Variants in CHD5 observed in about 807,000 individuals in gnomAD.
CHD5 encodes chromodomain helicase DNA binding protein 5.
A neutral mutation model predicts 230.3 loss-of-function variants in CHD5; 69 were observed. The observed-to-expected ratio is 0.30, with a 90% CI of 0.25 to 0.37. CHD5 has a LOEUF of 0.37. Among genes scored for constraint, CHD5 ranks in the 10% least tolerant of loss-of-function variants. The pLI, the probability that CHD5 is intolerant of heterozygous loss-of-function variation, is 1.00. For missense variants in CHD5, 1,827 were observed against 2,622.8 expected, an observed-to-expected ratio of 0.70 and a Z score of 6.63; for synonymous variants, 1,064 against 1,065.9, an observed-to-expected ratio of 1.00 and a Z score of 0.03.
Position 6,154,702 on chromosome 1 carries a change from G to A in CHD5, c.703C>T (p.Gln235Ter). ...TTGGCCTTGCGGATAGGCACAGGCT[G>A]GGGCACCTGCGGGGGGCTGACGGCT... ...PLAVSPPQVP[Q>*]PVPIRKAKTK... The change falls in exon 5 of 42, where the codon CAG (glutamine) becomes TAG (stop). Residue 235 changes from glutamine (Q) to a stop codon, truncating the protein, a stop_gained. Coordinates refer to ENST00000262450, the MANE Select transcript of CHD5 (RefSeq NM_015557.3). LOFTEE classifies it high-confidence loss of function. The surrounding 1 kb of genome is among the most constrained non-coding windows in gnomAD (Gnocchi z 7.0). 1 of 1,601,050 alleles carries A rather than the reference G, an allele frequency of 6.2e-7. No individual in the cohort carries two copies. Among genetic ancestry groups the A allele is most frequent in the Non-Finnish European group, 8.5e-7 (1 of 1,172,640 alleles).
chr1:6,148,326 G>A (rs893416385), intron 9 of CHD5, among the ~76,000 whole-genome samples: 6 of 152,200 alleles, frequency 3.9e-5, no homozygotes, highest in African/African-American at 1.4e-4. Context: ...GGAGCCTCCT[G>A]CCCTAGAAGC....
rs375859800 is a variant in CHD5 at position 6,121,251 on chromosome 1, G to A, written c.4780-14C>T. 3.7e-6 allele frequency: 6 copies of A among 1,603,866 alleles called. No homozygotes were observed. The highest frequency in any genetic ancestry group is 5.1e-6 in the Non-Finnish European group (6 of 1,176,622). On this transcript the variant is annotated splice_polypyrimidine_tract_variant and intron_variant, in intron 32 of 41. Coordinates refer to ENST00000262450, the MANE Select transcript of CHD5 (RefSeq NM_015557.3). This position sits in a 1 kb window ranked among gnomAD's most constrained non-coding sequence, Gnocchi z 4.5. ...GGCTGGAAGGGCCTGCAGAGGAAAA[G>A]CCAGGAGAACTACAAGGCCTGGGGC...
chr1:6,111,491 G>C (rs1666287496), intron 36 of CHD5, among the ~76,000 whole-genome samples: 1 of 150,566 alleles, frequency 6.6e-6, no homozygotes, highest in African/African-American at 2.5e-5. Context: ...CCGAGATCAA[G>C]CTGCTACACT....
intron 1 of CHD5, among the ~76,000 whole-genome samples, chr1:6,179,267 G>A (rs1034911162): frequency 1.3e-5 from 2 of 152,240 alleles, no homozygotes; most frequent in Admixed American, 1.3e-4. Context: ...GGAGACAGCG[G>A]CGGGCGCTAG....
At chr1:6,152,031 C>T (rs1328669130) in intron 6 of CHD5, among the ~76,000 whole-genome samples, 2 of 152,116 alleles carry the variant, frequency 1.3e-5, no homozygotes, top group African/African-American at 4.8e-5. Context: ...CTACTCCCCC[C>T]GAGAGCAGAC....
rs56933510 is a variant in CHD5, at chr1:6,159,227, TCACACACACACACACA to T, written c.387+93_387+108del. 6 of 1,402,324 alleles carry T rather than the reference TCACACACACACACACA, an allele frequency of 4.3e-6. No homozygotes were observed. In the African/African-American group the frequency reaches 5.9e-5, roughly 14 times the overall value. The allele number at this position is 1,402,324 out of a possible 1,614,324, so 86.9% of individuals were successfully genotyped here. A position where few individuals can be genotyped will look rare whatever the true frequency, so the allele number is the denominator to read the frequency against. ...AGCCTGGCAACAGAGTGAGACTCCA[TCACACACACACACACA>T]CACACACACACACACAGAACATACA... On this transcript the variant is annotated intron_variant, in intron 3 of 41. Transcript: ENST00000262450.
Position 6,134,518 on chromosome 1 carries a change from A to T in CHD5, c.3012+200T>A, listed in dbSNP as rs575483016. Among the ~76,000 whole-genome samples the T allele has an allele frequency of 2.0e-5, 3 of 152,278 alleles. No homozygotes were observed. The South Asian group carries it at 6.2e-4, about 32-fold the overall frequency. ...CAGCCCTACCACAGCAGCGGGTTCC[A>T]CGGTAAGTTCCCCAGCACCTACCAG... On this transcript the variant is annotated intron_variant, in intron 19 of 41. Coordinates refer to ENST00000262450, the MANE Select transcript of CHD5 (RefSeq NM_015557.3). The surrounding 1 kb of genome is among the most constrained non-coding windows in gnomAD (Gnocchi z 6.3).
In CHD5 at chr1:6,128,667, G is replaced by C. The variant is rs987179575; in HGVS notation, c.3620-58C>G. On this transcript the variant is annotated intron_variant, in intron 23 of 41. Coordinates refer to ENST00000262450, the MANE Select transcript of CHD5 (RefSeq NM_015557.3). The surrounding 1 kb of genome is among the most constrained non-coding windows in gnomAD (Gnocchi z 7.8). ...GACCACAGAGGGCTGCAGGGTTGGCGGGCAGTGCCCAGAGACACCACCCTG... is the reference window on the plus strand; with the variant it reads ...GACCACAGAGGGCTGCAGGGTTGGCCGGCAGTGCCCAGAGACACCACCCTG... 6.9e-7 allele frequency: 1 copy of C among 1,459,642 alleles called. No individual in the cohort carries two copies. Among genetic ancestry groups the C allele is most frequent in the South Asian group, 1.1e-5 (1 of 87,102 alleles). 90.4% of individuals were successfully genotyped at this position (1,459,642 alleles called of 1,614,324 possible).
chr1:6,166,711 G>C (rs201113166), intron 2 of CHD5, among the ~76,000 whole-genome samples: 2 of 97,758 alleles, frequency 2.0e-5, no homozygotes, highest in Non-Finnish European at 3.5e-5. Flanking sequence ...ACAAGCCGGG[G>C]AAGTGGAAAT....
intron 11 of CHD5, among the ~76,000 whole-genome samples, chr1:6,145,072 A>G (rs1202443466): frequency 6.6e-6 from 1 of 152,156 alleles, no homozygotes; most frequent in African/African-American, 2.4e-5. Context: ...TCCCACAGGA[A>G]CTGACCCTTG....
chr1:6,162,589 G>A (rs953974922), intron 2 of CHD5, among the ~76,000 whole-genome samples: 2 of 152,072 alleles, frequency 1.3e-5, no homozygotes, highest in African/African-American at 4.8e-5. Flanking sequence ...CAGTCAGAAT[G>A]ACCCTTTCCC....
At chr1:6,165,860 TC>T (rs1667244939) in intron 2 of CHD5, among the ~76,000 whole-genome samples, 1 of 151,348 alleles carries the variant, frequency 6.6e-6, no homozygotes, top group Admixed American at 6.6e-5. Flanking sequence ...TATCTCCACT[TC>T]CCCATCAAAT....
Position 6,134,663 on chromosome 1 carries a change from A to C in CHD5, c.3012+55T>G. ...CACAGGGACCTACCATGGCGGCCAC[A>C]GGCACCTACCATGGCGGTCATGGAG... On this transcript the variant is annotated intron_variant, in intron 19 of 41. Coordinates refer to ENST00000262450, the MANE Select transcript of CHD5 (RefSeq NM_015557.3). This position sits in a 1 kb window ranked among gnomAD's most constrained non-coding sequence, Gnocchi z 6.3. 1 of 1,550,634 alleles carries C rather than the reference A, an allele frequency of 6.4e-7. No homozygotes were observed. Among genetic ancestry groups the C allele is most frequent in the South Asian group, 1.1e-5 (1 of 87,960 alleles).
In CHD5 at chr1:6,144,164, C is replaced by T. The variant is rs375770301; in HGVS notation, c.1803-9G>A. The T allele has an allele frequency of 4.3e-5, 69 of 1,614,034 alleles. No homozygotes were observed. Among genetic ancestry groups the T allele is most frequent in the South Asian group, 1.8e-4 (16 of 91,080 alleles). Reference sequence around the variant, plus strand: ...CCCCCTTCTTGTCAAAGCTGCAACACGGTGAACAGATGTGGGTCGCTCAGA... The same window carrying T: ...CCCCCTTCTTGTCAAAGCTGCAACATGGTGAACAGATGTGGGTCGCTCAGA... On this transcript the variant is annotated splice_polypyrimidine_tract_variant and intron_variant, in intron 11 of 41. Coordinates refer to ENST00000262450, the MANE Select transcript of CHD5 (RefSeq NM_015557.3).
At chr1:6,179,003 A>AG (rs1276156505) in intron 1 of CHD5, among the ~76,000 whole-genome samples, 1 of 152,202 alleles carries the variant, frequency 6.6e-6, no homozygotes, top group African/African-American at 2.4e-5. Context: ...CCCAGAAAGG[A>AG]GGGAGGGTGG....
intron 38 of CHD5, among the ~76,000 whole-genome samples, chr1:6,108,462 G>C (rs1234273049): frequency 6.7e-6 from 1 of 148,888 alleles, no homozygotes; most frequent in African/African-American, 2.5e-5. Flanking sequence ...GGATGGGGGT[G>C]GAAGGATGGA....
At chr1:6,124,872 C>T (rs986223160) in intron 29 of CHD5, among the ~76,000 whole-genome samples, 1 of 152,216 alleles carries the variant, frequency 6.6e-6, no homozygotes, top group African/African-American at 2.4e-5. Context: ...GGATCTTCCT[C>T]GCTGCCATAA....
intron 1 of CHD5, among the ~76,000 whole-genome samples, chr1:6,177,914 G>A (rs111854310): frequency 2.6e-4 from 40 of 152,324 alleles, no homozygotes; most frequent in South Asian, 1.2e-3. Context: ...GGAGCCATGC[G>A]GGTCGGGATC....
Position 6,129,129 on chromosome 1 carries a change from A to T in CHD5, c.3388-60T>A. On this transcript the variant is annotated intron_variant, in intron 22 of 41. Coordinates refer to ENST00000262450, the MANE Select transcript of CHD5 (RefSeq NM_015557.3). This position sits in a 1 kb window ranked among gnomAD's most constrained non-coding sequence, Gnocchi z 6.8. Reference sequence around the variant, plus strand: ...CCCAGGGCTCCAGGCAATGGAGGAGATCACACCCATGAGCTCAAGAGCATG... The same window carrying T: ...CCCAGGGCTCCAGGCAATGGAGGAGTTCACACCCATGAGCTCAAGAGCATG... 8.5e-7 allele frequency: 1 copy of T among 1,177,556 alleles called. No homozygotes were observed. The allele number at this position is 1,177,556 out of a possible 1,614,324, so 72.9% of individuals were successfully genotyped here.
Sources: gnomAD v4.1 joint callset for allele counts (sites outside exome capture counted in the v4.1 genomes callset) on GRCh38, gnomAD v4.1.1 for gene constraint, Gnocchi (gnomAD v3.1) non-coding constraint, MANE v1.5 for transcripts, NCBI Gene and HGNC (gene_info 2026-07-23, HGNC 2026-07-21) for gene names.